PCDHGB3: variants seen among roughly 807,000 people sequenced by gnomAD.
The protein encoded by PCDHGB3 is protocadherin gamma subfamily B, 3.
PCDHGB3 carries 40 observed loss-of-function variants against 59.2 expected under a neutral mutation model. The ratio of observed to expected loss-of-function variants is 0.68; its 90% CI spans 0.52 to 0.88. PCDHGB3 has a LOEUF of 0.88. PCDHGB3 is among the 40% of genes least tolerant of loss of function. The probability of loss-of-function intolerance (pLI) is 0.00; values close to 1 mark genes in which losing one functional copy is unlikely to be tolerated. For synonymous variants in PCDHGB3, 581 were observed against 503.6 expected (o/e 1.15, Z -2.06); for missense variants, 1,309 against 1,187.9 (o/e 1.10, Z -1.50).
At chr5:141,500,241 C>T (rs1284996879) in intron 2 of PCDHGB3, among the ~76,000 whole-genome samples, 18 of 150,770 alleles carry the variant, frequency 1.2e-4, no homozygotes, top group Non-Finnish European at 1.5e-5. Flanking sequence ...CGTAGCCTTG[C>T]TCTGTCACCC....
chr5:141,397,268 T>A (rs532503951), intron 1 of PCDHGB3, among the ~76,000 whole-genome samples: 2 of 152,298 alleles, frequency 1.3e-5, no homozygotes, highest in South Asian at 4.1e-4. Context: ...CTTAGCTACA[T>A]CATATGGGCA....
intron 2 of PCDHGB3, among the ~76,000 whole-genome samples, chr5:141,499,612 C>T (rs1489412444): frequency 6.6e-6 from 1 of 151,968 alleles, no homozygotes; most frequent in African/African-American, 2.4e-5. Context: ...TACCCTTATC[C>T]TGTCCTTGGA....
intron 3 of PCDHGB3, among the ~76,000 whole-genome samples, chr5:141,507,805 G>C (rs2099863746): frequency 6.6e-6 from 1 of 152,204 alleles, no homozygotes; most frequent in Non-Finnish European, 1.5e-5. Flanking sequence ...TGCGCCCTGG[G>C]GAACGGACCC....
chr5:141,399,859 G>A (rs2093908235), intron 1 of PCDHGB3: 1 of 1,612,726 alleles, frequency 6.2e-7, no homozygotes, highest in Admixed American at 1.7e-5. Flanking sequence ...GCCGCGCGCT[G>A]CAGAGCCCGG....
intron 1 of PCDHGB3, chr5:141,383,115 G>T: frequency 6.2e-7 from 1 of 1,614,078 alleles, no homozygotes; most frequent in Non-Finnish European, 8.5e-7. Flanking sequence ...GAGGTAGGAC[G>T]CAGCTTTTCG....
intron 1 of PCDHGB3, chr5:141,383,820 A>C: frequency 6.2e-7 from 1 of 1,613,924 alleles, no homozygotes; most frequent in Non-Finnish European, 8.5e-7. Flanking sequence ...TAGAAGGATT[A>C]GATTATGAAG....
rs755930967 is a variant in PCDHGB3, at chr5:141,388,629, G to C, written c.2415+15820G>C. On this transcript the variant is annotated intron_variant, in intron 1 of 3. Transcript: ENST00000576222. ...AGTGTTCAGTCAAGACGTATACAGG[G>C]TGAGCCTTTCAGAAAACGTGTACCC... 13 of 1,613,824 alleles carry C rather than the reference G, an allele frequency of 8.1e-6. No individual in the cohort carries two copies. Among genetic ancestry groups the C allele is most frequent in the African/African-American group, 1.3e-5 (1 of 74,914 alleles).
chr5:141,390,867 C>CGTGT (rs61319619), intron 1 of PCDHGB3: 7,865 of 151,126 alleles, frequency 0.052, 273 homozygotes, highest in African/African-American at 0.097. Context: ...GCTGTGTGTG[C>CGTGT]GTGTGTGTGT....
intron 1 of PCDHGB3, among the ~76,000 whole-genome samples, chr5:141,435,547 G>T (rs2097769325): frequency 6.6e-6 from 1 of 152,114 alleles, no homozygotes. Context: ...AACAAAATGT[G>T]TTTTGAGTGC....
intron 1 of PCDHGB3, among the ~76,000 whole-genome samples, chr5:141,442,888 GCTTATCA>G (rs776180931): frequency 8.5e-5 from 13 of 152,204 alleles, no homozygotes; most frequent in Non-Finnish European, 1.8e-4. Flanking sequence ...CAGAATCCCT[GCTTATCA>G]CTTCTCCTTC....
Position 141,486,006 on chromosome 5 carries a change from C to G in PCDHGB3, c.2416-8801C>G, listed in dbSNP as rs1394484191. The G allele has an allele frequency of 1.9e-6, 3 of 1,614,190 alleles. No individual in the cohort carries two copies. The highest frequency in any genetic ancestry group is 1.1e-5 in the South Asian group (1 of 91,084). On this transcript the variant is annotated intron_variant, in intron 1 of 3. Transcript: ENST00000576222. The surrounding 1 kb of genome is among the most constrained non-coding windows in gnomAD (Gnocchi z 5.0). Reference sequence around the variant, plus strand: ...GACCTGGGTCCCAGTGGTAACGTCACCTTTTATTTCAGTGGTCATACCCCT... The same window carrying G: ...GACCTGGGTCCCAGTGGTAACGTCAGCTTTTATTTCAGTGGTCATACCCCT...
rs532087470 is a variant in PCDHGB3, at chr5:141,414,020, C to T, written c.2415+41211C>T. 9 of 1,612,620 alleles carry T rather than the reference C, an allele frequency of 5.6e-6. No homozygotes were observed. The East Asian group carries it at 1.8e-4, about 32-fold the overall frequency. The stretch of plus-strand genomic sequence containing the variant: ...GACGAAGGTGCCAATGGAGAAGTGA[C>T]ATATTCATTCCGAAAATTACCTGAC... On this transcript the variant is annotated intron_variant, in intron 1 of 3. Transcript: ENST00000576222.
At chr5:141,494,188 T>C (rs2099752632) in intron 1 of PCDHGB3, among the ~76,000 whole-genome samples, 1 of 152,186 alleles carries the variant, frequency 6.6e-6, no homozygotes, top group South Asian at 2.1e-4. Flanking sequence ...GTCCCGGGAC[T>C]TGGATGCCCC....
chr5:141,375,444 A>C, intron 1 of PCDHGB3: 4 of 1,613,844 alleles, frequency 2.5e-6, no homozygotes, highest in Non-Finnish European at 3.4e-6. Context: ...ACCTTCCCCC[A>C]TTCATCCTAC....
intron 1 of PCDHGB3, chr5:141,422,532 A>G (rs752364905): frequency 6.2e-7 from 1 of 1,614,030 alleles, no homozygotes; most frequent in South Asian, 1.1e-5. Flanking sequence ...CTTTGTCTGC[A>G]GAAACTCATG....
chr5:141,504,228 C>T lies in PCDHGB3; in HGVS notation c.2475-1165C>T, dbSNP rs114896014. Among the ~76,000 whole-genome samples, 193 of 152,312 alleles carry T rather than the reference C, an allele frequency of 1.3e-3. 1 individual carries two copies. The highest frequency in any genetic ancestry group is 2.1e-3 in the Admixed American group (32 of 15,304). ...AAAATTCCAAGTAGAGCTGAACCTT[C>T]TAAGAAGCAGAGAGTTCTTCTTATG... On this transcript the variant is annotated intron_variant, in intron 2 of 3. Coordinates refer to ENST00000576222, the MANE Select transcript of PCDHGB3 (RefSeq NM_018924.5).
At chr5:141,385,158 T>C in intron 1 of PCDHGB3, 2 of 1,614,212 alleles carry the variant, frequency 1.2e-6, no homozygotes, top group African/African-American at 2.7e-5. Context: ...TGCAGACCTA[T>C]TCCCATGAGG....
intron 1 of PCDHGB3, chr5:141,419,197 T>C (rs560134083): frequency 1.2e-6 from 2 of 1,613,966 alleles, no homozygotes; most frequent in South Asian, 1.1e-5. Flanking sequence ...CTGACGTCAA[T>C]GACAACGCGC....
chr5:141,414,822 C>G, intron 1 of PCDHGB3: 3 of 1,614,240 alleles, frequency 1.9e-6, no homozygotes, highest in Non-Finnish European at 2.5e-6. Flanking sequence ...TCAGCAGCAA[C>G]GTGTCGTTGA....
Sources: gnomAD v4.1 joint callset for allele counts (sites outside exome capture counted in the v4.1 genomes callset) on GRCh38, gnomAD v4.1.1 for gene constraint, Gnocchi (gnomAD v3.1) non-coding constraint, MANE v1.5 for transcripts, NCBI Gene and HGNC (gene_info 2026-07-23, HGNC 2026-07-21) for gene names.